The following PTPRM variants were observed in gnomAD, a reference collection of about 807,000 sequenced individuals.
PTPRM encodes the protein protein tyrosine phosphatase receptor type M.
In PTPRM, 47 loss-of-function variants were observed where a neutral mutation model predicts 186.7. The ratio of observed to expected loss-of-function variants is 0.25; its 90% confidence interval spans 0.20 to 0.32. The LOEUF (loss-of-function observed/expected upper bound fraction) is 0.32, where lower values mean the gene tolerates loss of function less well. Among genes scored for constraint, PTPRM ranks in the 10% least tolerant of loss-of-function variants. The pLI, the probability that PTPRM is intolerant of heterozygous loss-of-function variation, is 1.00. For synonymous variants in PTPRM, 668 were observed against 674.9 expected (o/e 0.99, Z 0.16); for missense variants, 1,494 against 1,865.0 (o/e 0.80, Z 3.66).
intron 1 of PTPRM, among the ~76,000 whole-genome samples, chr18:7,618,313 G>A (rs2037855728): frequency 6.6e-6 from 1 of 152,082 alleles, no homozygotes; most frequent in African/African-American, 2.4e-5. Flanking sequence ...AAGTTTTCAT[G>A]CCTCTTTCTT....
chr18:7,692,850 A>G (rs1450985666), intron 1 of PTPRM, among the ~76,000 whole-genome samples: 1 of 152,228 alleles, frequency 6.6e-6, no homozygotes, highest in East Asian at 1.9e-4. Flanking sequence ...GTATATATGC[A>G]TGAGAGATTT....
At chr18:8,154,149 G>A (rs940456073) in intron 14 of PTPRM, among the ~76,000 whole-genome samples, 1 of 152,084 alleles carries the variant, frequency 6.6e-6, no homozygotes, top group Non-Finnish European at 1.5e-5. Flanking sequence ...ACATGTTTTC[G>A]ACCTTCACAC....
intron 22 of PTPRM, among the ~76,000 whole-genome samples, chr18:8,321,130 C>A (rs1037011203): frequency 6.6e-6 from 1 of 152,154 alleles, no homozygotes; most frequent in African/African-American, 2.4e-5. Flanking sequence ...CTCACAACAT[C>A]AGATTTAATA....
At chr18:8,165,312 T>C (rs2093306065) in intron 14 of PTPRM, among the ~76,000 whole-genome samples, 1 of 152,224 alleles carries the variant, frequency 6.6e-6, no homozygotes, top group African/African-American at 2.4e-5. Flanking sequence ...ACTTGTACAC[T>C]TGGCTTGTCA....
intron 7 of PTPRM, among the ~76,000 whole-genome samples, chr18:8,016,475 G>T (rs1240230271): frequency 1.3e-5 from 2 of 150,002 alleles, no homozygotes; most frequent in Non-Finnish European, 3.0e-5. Flanking sequence ...GGAGGTTGCA[G>T]TGAGCCAAGA....
chr18:7,859,450 C>A (rs1006287065), intron 2 of PTPRM, among the ~76,000 whole-genome samples: 1 of 152,188 alleles, frequency 6.6e-6, no homozygotes, highest in Non-Finnish European at 1.5e-5. Context: ...TTATTACTCC[C>A]GTCTCCCAAC....
In PTPRM at chr18:7,567,837, T is replaced by C. The variant is rs1329663319; in HGVS notation, c.19T>C (p.Cys7Arg). ...CAGCACCATGAGGGGACTTGGGACT[T>C]GCCTGGCGACTTTGGCCGGACTTTT... MRGLGT[C>R]LATLAGLLLT... The change falls in exon 1 of 33, where the codon TGC becomes CGC. Residue 7 changes from cysteine to arginine, a missense_variant. This residue lies in a region of PTPRM where 296 missense variants were observed against 345.5 expected (regional missense o/e 0.86). Coordinates refer to ENST00000580170, the MANE Select transcript of PTPRM (RefSeq NM_001105244.2). This position sits in a 1 kb window ranked among gnomAD's most constrained non-coding sequence, Gnocchi z 4.3. 4 of 1,563,918 alleles carry C rather than the reference T, an allele frequency of 2.6e-6. No homozygotes were observed. The highest frequency in any genetic ancestry group is 3.5e-6 in the Non-Finnish European group (4 of 1,158,760).
chr18:8,160,296 T>G (rs2093204956), intron 14 of PTPRM, among the ~76,000 whole-genome samples: 1 of 152,156 alleles, frequency 6.6e-6, no homozygotes, highest in Non-Finnish European at 1.5e-5. Context: ...TTCTATTTAT[T>G]TATTTATTGG....
Position 8,364,531 on chromosome 18 carries a change from T to A in PTPRM, c.3055-6359T>A, listed in dbSNP as rs573918404. On this transcript the variant is annotated intron_variant, in intron 23 of 32. Transcript: ENST00000580170. ...AGGTTTGGGGATACAATAAATCTGT[T>A]ATCTTGGAAACAAAGCTGGCAGCTG... 2.0e-5 allele frequency among the ~76,000 whole-genome samples: 3 copies of A among 152,332 alleles called. No individual in the cohort carries two copies. In the South Asian group the frequency reaches 6.2e-4, roughly 32 times the overall value.
chr18:7,722,323 C>T (rs1317519819), intron 1 of PTPRM, among the ~76,000 whole-genome samples: 1 of 152,064 alleles, frequency 6.6e-6, no homozygotes, highest in Non-Finnish European at 1.5e-5. Flanking sequence ...TTTTTGGTGG[C>T]TTGATGGCCC....
At chr18:8,071,719 G>A (rs772103664) in intron 8 of PTPRM, among the ~76,000 whole-genome samples, 5 of 152,058 alleles carry the variant, frequency 3.3e-5, no homozygotes, top group Admixed American at 2.6e-4. Flanking sequence ...TTGGCCAGTC[G>A]GGGCCTCTCC....
At chr18:7,717,233 C>T (rs1453003660) in intron 1 of PTPRM, among the ~76,000 whole-genome samples, 1 of 152,118 alleles carries the variant, frequency 6.6e-6, no homozygotes, top group Non-Finnish European at 1.5e-5. Flanking sequence ...TCCTAAAACA[C>T]CCATGGCCCC....
intron 7 of PTPRM, among the ~76,000 whole-genome samples, chr18:8,052,814 T>G (rs77961746): frequency 0.083 from 12,693 of 152,260 alleles, 616 homozygotes; most frequent in South Asian, 0.12. Context: ...GTATAACACA[T>G]TGCATTGATC....
chr18:8,246,153 A>T (rs2094474934), intron 15 of PTPRM, among the ~76,000 whole-genome samples: 1 of 152,194 alleles, frequency 6.6e-6, no homozygotes, highest in Non-Finnish European at 1.5e-5. Flanking sequence ...CTTTGAAATA[A>T]GACAGCAGTT....
intron 1 of PTPRM, among the ~76,000 whole-genome samples, chr18:7,715,443 G>A (rs2040306109): frequency 6.6e-6 from 1 of 152,124 alleles, no homozygotes; most frequent in Non-Finnish European, 1.5e-5. Context: ...TTGAAAACTG[G>A]CACAGGACAA....
chr18:8,160,035 T>C (rs2093199771), intron 14 of PTPRM, among the ~76,000 whole-genome samples: 3 of 152,074 alleles, frequency 2.0e-5, no homozygotes, highest in African/African-American at 4.8e-5. Flanking sequence ...TTGAAATGAA[T>C]AGGAGTACCT....
chr18:7,636,853 C>A (rs1315523083), intron 1 of PTPRM, among the ~76,000 whole-genome samples: 1 of 152,038 alleles, frequency 6.6e-6, no homozygotes, highest in African/African-American at 2.4e-5. Flanking sequence ...ACAGTCATAT[C>A]AATTAATTTA....
chr18:8,289,398 G>GTA lies in PTPRM; in HGVS notation c.2755-6957_2755-6956dup, dbSNP rs1393956158. ...ATAGGCATGAAAACATTGTGTGTGT[G>GTA]TATATATATATATACACATATATAC... On this transcript the variant is annotated intron_variant, in intron 19 of 32. Transcript: ENST00000580170. Among the ~76,000 whole-genome samples, 121 of 138,362 alleles carry GTA rather than the reference G, an allele frequency of 8.7e-4. 1 individual carries two copies. In the East Asian group the frequency reaches 0.014, roughly 15 times the overall value. The allele number at this position is 138,362 out of a possible 152,430, so 90.8% of individuals were successfully genotyped here.
intron 32 of PTPRM, among the ~76,000 whole-genome samples, chr18:8,397,876 CT>C (rs1456081042): frequency 6.6e-6 from 1 of 152,224 alleles, no homozygotes; most frequent in Non-Finnish European, 1.5e-5. Context: ...ATAGTGTCCC[CT>C]GTGAGGTGGT....
Sources: allele counts gnomAD v4.1 joint callset (sites outside exome capture counted in the v4.1 genomes callset), GRCh38; gene constraint gnomAD v4.1.1; regional missense constraint gnomAD v4.1.1; non-coding constraint Gnocchi (gnomAD v3.1); transcripts MANE v1.5; gene names NCBI Gene and HGNC (gene_info 2026-07-23, HGNC 2026-07-21).